The following GLI3 variants were observed in gnomAD, a reference collection of about 807,000 sequenced individuals.
GLI3 encodes the protein transcription activator GLI3.
In GLI3, 20 loss-of-function variants were observed where a neutral mutation model predicts 100.8. That is an observed-to-expected ratio of 0.20 (90% confidence interval 0.14 to 0.29). The LOEUF (loss-of-function observed/expected upper bound fraction) is 0.29, where lower values mean the gene tolerates loss of function less well. Among genes scored for constraint, GLI3 ranks in the 10% least tolerant of loss-of-function variants. The pLI, the probability that GLI3 is intolerant of heterozygous loss-of-function variation, is 1.00. For missense variants in GLI3, 2,040 were observed against 2,128.5 expected (o/e 0.96, Z 0.82); for synonymous variants, 938 against 860.5 (o/e 1.09, Z -1.58).
intron 2 of GLI3, among the ~76,000 whole-genome samples, chr7:42,170,049 A>G (rs1319262544): frequency 6.6e-6 from 1 of 151,740 alleles, no homozygotes; most frequent in Non-Finnish European, 1.5e-5. Flanking sequence ...CAGGAGTTCA[A>G]GACCAGCCTG....
intron 6 of GLI3, among the ~76,000 whole-genome samples, chr7:42,040,953 A>G (rs1316047148): frequency 6.6e-6 from 1 of 152,144 alleles, no homozygotes; most frequent in Admixed American, 6.5e-5. Flanking sequence ...GTTCAGGGTC[A>G]CCCTCCCCAC....
intron 10 of GLI3, among the ~76,000 whole-genome samples, chr7:42,008,667 G>A (rs17171995): frequency 0.036 from 5,462 of 152,232 alleles, 257 homozygotes; most frequent in African/African-American, 0.12. Context: ...CTGATCCAAT[G>A]CCTATACATC....
Position 42,039,289 on chromosome 7 carries a change from A to G in GLI3, c.1028+749T>C, listed in dbSNP as rs1012342202. The stretch of plus-strand genomic sequence containing the variant: ...CTGACATCAGTCCAAGTTGATCATT[A>G]GCAGTAAGAAATATTTTATGTTAAT... On this transcript the variant is annotated intron_variant, in intron 7 of 14. Transcript: ENST00000395925. Among the ~76,000 whole-genome samples, 35 of 152,216 alleles carry G rather than the reference A, an allele frequency of 2.3e-4. 1 individual carries two copies. The highest frequency in any genetic ancestry group is 2.0e-3 in the Admixed American group (31 of 15,276).
intron 10 of GLI3, among the ~76,000 whole-genome samples, chr7:42,018,181 T>C (rs938599578): frequency 2.0e-5 from 3 of 152,186 alleles, no homozygotes; most frequent in African/African-American, 7.2e-5. Context: ...TCAGCAACTT[T>C]AAAGAGAACG....
intron 10 of GLI3, among the ~76,000 whole-genome samples, chr7:42,008,856 TATC>T (rs1280194889): frequency 3.3e-5 from 5 of 152,256 alleles, no homozygotes; most frequent in African/African-American, 1.2e-4. Context: ...CCTATGTTGT[TATC>T]ATAATTTTTA....
intron 4 of GLI3, among the ~76,000 whole-genome samples, chr7:42,064,655 C>T (rs1246650491): frequency 6.6e-6 from 1 of 152,082 alleles, no homozygotes; most frequent in Non-Finnish European, 1.5e-5. Context: ...TTCAGCAAAG[C>T]CATAATCCAG....
chr7:42,161,893 T>C (rs1029748421), intron 2 of GLI3, among the ~76,000 whole-genome samples: 11 of 152,146 alleles, frequency 7.2e-5, no homozygotes, highest in African/African-American at 2.7e-4. Context: ...AATTGGGTAA[T>C]AGGGTTTAGA....
chr7:42,194,215 C>A (rs529140010), intron 2 of GLI3, among the ~76,000 whole-genome samples: 1 of 152,286 alleles, frequency 6.6e-6, no homozygotes, highest in East Asian at 1.9e-4. Context: ...ATCATAGGTA[C>A]ACAGACCACA....
intron 2 of GLI3, among the ~76,000 whole-genome samples, chr7:42,207,126 A>T (rs1029240056): frequency 2.6e-5 from 4 of 152,182 alleles, no homozygotes; most frequent in African/African-American, 9.7e-5. Context: ...ACTAAAGCTA[A>T]TATATGCATA....
Position 41,965,908 on chromosome 7 carries a change from G to A in GLI3, c.3165C>T (p.Gly1055=), listed in dbSNP as rs139393785. ...VLQNYTRPEG[G]QSRNFHSSPC... Reference sequence around the variant, plus strand: ...GGGACGAGTGGAAGTTTCGGGACTGGCCGCCCTCGGGCCGCGTGTAATTCT... The same window carrying A: ...GGGACGAGTGGAAGTTTCGGGACTGACCGCCCTCGGGCCGCGTGTAATTCT... The change falls in exon 15 of 15, where the codon GGC becomes GGT. Residue 1055 remains glycine (G), a synonymous_variant. Coordinates refer to ENST00000395925, the MANE Select transcript of GLI3 (RefSeq NM_000168.6). 39 of 1,613,586 alleles carry A rather than the reference G, an allele frequency of 2.4e-5. No homozygotes were observed. The highest frequency in any genetic ancestry group is 2.4e-5 in the Non-Finnish European group (28 of 1,179,962).
intron 2 of GLI3, among the ~76,000 whole-genome samples, chr7:42,210,325 T>A (rs1788242326): frequency 7.1e-6 from 1 of 141,230 alleles, no homozygotes; most frequent in African/African-American, 2.6e-5. Context: ...CTCACTTCTA[T>A]TCAAAAATGA....
chr7:42,258,176 A>C (rs1034350819), intron 1 of GLI3, among the ~76,000 whole-genome samples: 8 of 152,202 alleles, frequency 5.3e-5, no homozygotes, highest in African/African-American at 1.9e-4. Flanking sequence ...TCTGTCTTGT[A>C]CACTTCTGTG....
intron 2 of GLI3, among the ~76,000 whole-genome samples, chr7:42,183,563 C>G (rs1175006156): frequency 1.3e-5 from 2 of 152,274 alleles, no homozygotes; most frequent in Non-Finnish European, 2.9e-5. Flanking sequence ...AATCCATGCC[C>G]CTTACAGGAA....
intron 4 of GLI3, among the ~76,000 whole-genome samples, chr7:42,060,181 C>T (rs1293335023): frequency 6.6e-6 from 1 of 152,154 alleles, no homozygotes; most frequent in Admixed American, 6.6e-5. Context: ...TAAATGTTGG[C>T]CCCTACAACC....
intron 2 of GLI3, among the ~76,000 whole-genome samples, chr7:42,199,885 G>A (rs763032908): frequency 2.6e-5 from 4 of 152,064 alleles, no homozygotes; most frequent in African/African-American, 4.8e-5. Context: ...GTGAAACCCC[G>A]TCTCTACTAA....
chr7:41,979,866 A>G (rs1178908262), intron 10 of GLI3, among the ~76,000 whole-genome samples: 1 of 152,126 alleles, frequency 6.6e-6, no homozygotes, highest in Non-Finnish European at 1.5e-5. Flanking sequence ...ACAACCTCTC[A>G]TTACTTTCCT....
intron 1 of GLI3, among the ~76,000 whole-genome samples, chr7:42,258,717 G>A (rs1789111088): frequency 6.6e-6 from 1 of 152,150 alleles, no homozygotes; most frequent in Admixed American, 6.6e-5. Flanking sequence ...TCACATGACA[G>A]AATGGGTGAG....
chr7:42,019,237 A>C (rs960577418), intron 10 of GLI3, among the ~76,000 whole-genome samples: 1 of 152,122 alleles, frequency 6.6e-6, no homozygotes, highest in Non-Finnish European at 1.5e-5. Context: ...GAAGTTCTTT[A>C]TGTTTATTCC....
chr7:41,965,352 C>T lies in GLI3; in HGVS notation c.3721G>A (p.Gly1241Arg), dbSNP rs551659235. Residue 1241 changes from glycine (G) to arginine (R), a missense_variant, in exon 15 of 15, where the codon GGA (glycine) becomes AGA (arginine). Gly to Arg is a moderately radical substitution (Grantham distance 125). Around this residue, in one of 5 missense-constraint regions of GLI3, gnomAD observed 1,041 missense variants for 924.0 expected, o/e 1.13. Coordinates refer to ENST00000395925, the MANE Select transcript of GLI3 (RefSeq NM_000168.6). ...LHNSPGSGTS[G>R]NAFHEQPCKA... ...CAGGGCTGTTCATGGAAGGCGTTTC[C>T]ACTGGTGCCACTTCCGGGGCTGTTG... 6.2e-7 allele frequency: 1 copy of T among 1,613,614 alleles called. No homozygotes were observed. The highest frequency in any genetic ancestry group is 1.7e-4 in the Middle Eastern group (1 of 6,060).
Sources: allele counts gnomAD v4.1 joint callset (sites outside exome capture counted in the v4.1 genomes callset), GRCh38; gene constraint gnomAD v4.1.1; regional missense constraint gnomAD v4.1.1; transcripts MANE v1.5; gene names NCBI Gene and HGNC (gene_info 2026-07-23, HGNC 2026-07-21).